Variants in FAM174A observed in about 807,000 individuals in gnomAD.
FAM174A encodes the protein membrane protein FAM174A.
In FAM174A, 14 loss-of-function variants were observed where a neutral mutation model predicts 14.3. The observed-to-expected ratio is 0.98, with a 90% CI of 0.65 to 1.53. The LOEUF is 1.53. Ranked by LOEUF, FAM174A falls within the 40% of genes most tolerant of loss-of-function variation. FAM174A has a pLI of 0.00. For missense variants in FAM174A, 241 were observed against 249.6 expected (o/e 0.97, Z 0.23); for synonymous variants, 108 against 111.4 (o/e 0.97, Z 0.19).
intron 2 of FAM174A, among the ~76,000 whole-genome samples, chr5:100,566,141 G>GATTGATAGATATATAT (rs1554047541): frequency 1.2e-5 from 1 of 81,810 alleles, no homozygotes; most frequent in Non-Finnish European, 2.4e-5. Context: ...TGAAAAGTAT[G>GATTGATAGATATATAT]ATATATATAT....
intron 2 of FAM174A, among the ~76,000 whole-genome samples, chr5:100,567,168 T>C (rs1020630774): frequency 4.6e-5 from 7 of 151,878 alleles, no homozygotes; most frequent in Non-Finnish European, 8.8e-5. Context: ...GAAATCATCT[T>C]GAGTTATTTA....
At chr5:100,560,752 A>G (rs1454706192) in intron 1 of FAM174A, among the ~76,000 whole-genome samples, 1 of 152,054 alleles carries the variant, frequency 6.6e-6, no homozygotes, top group Non-Finnish European at 1.5e-5. Flanking sequence ...CATATGTCAA[A>G]CAGAGTAAAT....
chr5:100,559,054 A>C (rs1374243424), intron 1 of FAM174A, among the ~76,000 whole-genome samples: 1 of 152,036 alleles, frequency 6.6e-6, no homozygotes, highest in Non-Finnish European at 1.5e-5. Flanking sequence ...ACAGTTTAGC[A>C]TGTTTTTGCA....
chr5:100,546,215 A>G (rs767587823), intron 1 of FAM174A, among the ~76,000 whole-genome samples: 1 of 152,212 alleles, frequency 6.6e-6, no homozygotes, highest in Non-Finnish European at 1.5e-5. Flanking sequence ...TGGTCTTGCC[A>G]TGCCAACATA....
At chr5:100,568,124 GTCTA>G (rs902396597) in intron 2 of FAM174A, among the ~76,000 whole-genome samples, 4 of 151,830 alleles carry the variant, frequency 2.6e-5, no homozygotes, top group African/African-American at 4.8e-5. Flanking sequence ...CTTCTTCCTT[GTCTA>G]TCTATCATCA....
intron 1 of FAM174A, among the ~76,000 whole-genome samples, chr5:100,557,128 A>C (rs2112380158): frequency 6.6e-6 from 1 of 152,256 alleles, no homozygotes; most frequent in African/African-American, 2.4e-5. Context: ...TCAGTACCTA[A>C]TTTATTGAGA....
At chr5:100,562,933 A>G (rs1031151537) in intron 2 of FAM174A, among the ~76,000 whole-genome samples, 1 of 151,910 alleles carries the variant, frequency 6.6e-6, no homozygotes, top group Non-Finnish European at 1.5e-5. Context: ...CTTGGAATCC[A>G]GAGGGATTAC....
intron 1 of FAM174A, among the ~76,000 whole-genome samples, chr5:100,555,825 G>C (rs552711045): frequency 6.6e-6 from 1 of 151,832 alleles, no homozygotes; most frequent in Non-Finnish European, 1.5e-5. Context: ...TGAGTTCATT[G>C]TGGATTCTAG....
chr5:100,572,809 T>G (rs1746818684), intron 2 of FAM174A, among the ~76,000 whole-genome samples: 1 of 152,154 alleles, frequency 6.6e-6, no homozygotes, highest in African/African-American at 2.4e-5. Context: ...CAGTTCTAGA[T>G]CCCTGAGGAA....
chr5:100,547,751 T>C (rs1196430931), intron 1 of FAM174A, among the ~76,000 whole-genome samples: 1 of 152,130 alleles, frequency 6.6e-6, no homozygotes, highest in Non-Finnish European at 1.5e-5. Context: ...GAAACTAATA[T>C]GTTAAGTGTC....
intron 1 of FAM174A, among the ~76,000 whole-genome samples, chr5:100,558,637 A>C (rs914390418): frequency 6.6e-6 from 1 of 151,952 alleles, no homozygotes; most frequent in African/African-American, 2.4e-5. Context: ...TTGGGTGCAT[A>C]TATATTTAGG....
chr5:100,571,152 G>GTGTA lies in FAM174A; in HGVS notation c.569+8965_569+8966insGTAT, dbSNP rs1554047727. 1.2e-3 allele frequency among the ~76,000 whole-genome samples: 182 copies of GTGTA among 150,554 alleles called. 2 individuals carry two copies. Among genetic ancestry groups the GTGTA allele is most frequent in the African/African-American group, 3.9e-3 (159 of 41,106 alleles). On this transcript the variant is annotated intron_variant, in intron 2 of 2. Coordinates refer to ENST00000312637, the MANE Select transcript of FAM174A (RefSeq NM_198507.3). Reference sequence around the variant, plus strand: ...TGTACATATACATATATATGTGTGTGTATATATATATGTGTGTGTGTGTGT... The same window carrying GTGTA: ...TGTACATATACATATATATGTGTGTGTGTATATATATATATGTGTGTGTGTGTGT...
intron 1 of FAM174A, among the ~76,000 whole-genome samples, chr5:100,541,673 C>G (rs997800893): frequency 2.0e-5 from 3 of 152,098 alleles, no homozygotes; most frequent in Admixed American, 1.3e-4. Flanking sequence ...AAATAAAGCT[C>G]TTGTCATAGG....
intron 1 of FAM174A, among the ~76,000 whole-genome samples, chr5:100,560,173 A>G (rs1054222978): frequency 1.1e-4 from 16 of 151,752 alleles, no homozygotes; most frequent in Admixed American, 7.9e-4. Flanking sequence ...AACAGTCAGG[A>G]CCCTCAGCTG....
intron 2 of FAM174A, among the ~76,000 whole-genome samples, chr5:100,581,122 G>C (rs970093028): frequency 6.6e-6 from 1 of 151,998 alleles, no homozygotes; most frequent in Non-Finnish European, 1.5e-5. Flanking sequence ...TAGAGGCGGG[G>C]TTTCACCATG....
In FAM174A at chr5:100,543,737, A is replaced by G. The variant is rs541061565; in HGVS notation, c.434+7773A>G. ...CCCCGAGTGGCTGGGACTACCGGCC[A>G]TCATTTTTTATTTTATCTTGTCTTC... On this transcript the variant is annotated intron_variant, in intron 1 of 2. Coordinates refer to ENST00000312637, the MANE Select transcript of FAM174A (RefSeq NM_198507.3). 3.5e-4 allele frequency among the ~76,000 whole-genome samples: 53 copies of G among 152,202 alleles called. 2 individuals carry two copies. The East Asian group carries it at 9.1e-3, about 26-fold the overall frequency.
At chr5:100,552,174 T>G (rs1746276982) in intron 1 of FAM174A, among the ~76,000 whole-genome samples, 1 of 152,184 alleles carries the variant, frequency 6.6e-6, no homozygotes, top group African/African-American at 2.4e-5. Context: ...TGGGTTGGAC[T>G]TCCTGATGAA....
chr5:100,555,256 A>G (rs2112377692), intron 1 of FAM174A, among the ~76,000 whole-genome samples: 1 of 151,838 alleles, frequency 6.6e-6, no homozygotes, highest in Middle Eastern at 3.4e-3. Flanking sequence ...AAGGACATGA[A>G]CTCATCATTT....
At chr5:100,567,891 T>C (rs1177546065) in intron 2 of FAM174A, among the ~76,000 whole-genome samples, 1 of 151,964 alleles carries the variant, frequency 6.6e-6, no homozygotes, top group Non-Finnish European at 1.5e-5. Context: ...CTCCACTGTG[T>C]TAATGACTTT....
Sources: gnomAD v4.1 joint callset for allele counts (sites outside exome capture counted in the v4.1 genomes callset) on GRCh38, gnomAD v4.1.1 for gene constraint, MANE v1.5 for transcripts, NCBI Gene and HGNC (gene_info 2026-07-23, HGNC 2026-07-21) for gene names.